CRTC3: variants seen among roughly 807,000 people sequenced by gnomAD.
CRTC3 encodes CREB regulated transcription coactivator 3, also known as CREB-regulated transcription coactivator 3.
CRTC3 carries 26 observed loss-of-function variants against 74.5 expected under a neutral mutation model. That is an observed-to-expected ratio of 0.35 (90% CI 0.26 to 0.48). The LOEUF (loss-of-function observed/expected upper bound fraction) is 0.48, where lower values mean the gene tolerates loss of function less well. CRTC3 is among the 20% of genes least tolerant of loss of function. CRTC3 has a pLI of 0.99. For synonymous variants in CRTC3, 377 were observed against 325.8 expected (o/e 1.16, Z -1.69); for missense variants, 760 against 787.3 (o/e 0.97, Z 0.41).
intron 8 of CRTC3, 152 bp from the exon 9 acceptor site, chr15:90,619,589 C>G (rs1326628992): frequency 1.5e-6 from 1 of 672,754 alleles, no homozygotes; most frequent in Non-Finnish European, 2.6e-6. Context: ...AAAGTCATGC[C>G]AAAACCTAAA....
chr15:90,617,824 C>T, intron 7 of CRTC3, 59 bp from the exon 8 acceptor site: 1 of 1,178,414 alleles, frequency 8.5e-7, no homozygotes, highest in South Asian at 1.2e-5. Context: ...AGCCACCGTG[C>T]CCGGCCTGGA....
At chr15:90,575,280 GGCGGAGGTT>G (rs1227970565) in intron 2 of CRTC3, among the ~76,000 whole-genome samples, 1 of 152,170 alleles carries the variant, frequency 6.6e-6, no homozygotes, top group Non-Finnish European at 1.5e-5. Context: ...GAACCCGGGA[GGCGGAGGTT>G]GCAGTGAGCC....
intron 9 of CRTC3, among the ~76,000 whole-genome samples, chr15:90,622,601 A>G (rs1381897893): frequency 6.6e-6 from 1 of 152,234 alleles, no homozygotes; most frequent in Non-Finnish European, 1.5e-5. Flanking sequence ...CTGTAATCGC[A>G]GCACTTTGGG....
chr15:90,570,754 C>T (rs1967244548), intron 2 of CRTC3, among the ~76,000 whole-genome samples: 1 of 152,088 alleles, frequency 6.6e-6, no homozygotes, highest in Non-Finnish European at 1.5e-5. Flanking sequence ...GCCAAAGTCC[C>T]CAGAAATGAG....
chr15:90,541,060 A>G (rs1167517606), intron 2 of CRTC3, among the ~76,000 whole-genome samples: 1 of 152,204 alleles, frequency 6.6e-6, no homozygotes, highest in Non-Finnish European at 1.5e-5. Context: ...GGGTGCTTTC[A>G]TCGTTCACAT....
intron 11 of CRTC3, among the ~76,000 whole-genome samples, chr15:90,630,599 T>TGAGACC (rs1451043119): frequency 6.6e-6 from 1 of 152,054 alleles, no homozygotes; most frequent in Non-Finnish European, 1.5e-5. Flanking sequence ...GGCAACAGAG[T>TGAGACC]GAGACCCTGT....
At chr15:90,594,001 G>C (rs983103990) in intron 3 of CRTC3, 3 of 346,310 alleles carry the variant, frequency 8.7e-6, no homozygotes, top group Non-Finnish European at 1.6e-5. Flanking sequence ...AAAACAACCT[G>C]TAATTCGGTC....
Position 90,642,191 on chromosome 15 carries a change from A to G in CRTC3, c.*51A>G. ...GTTTTTCTGCAACAGCCAAAATAGA[A>G]TGGAATAGAATGAAGCCAGCTGATA... is the stretch of plus-strand genomic sequence containing the variant. On this transcript the variant is annotated 3_prime_UTR_variant, in exon 15 of 15. Coordinates refer to ENST00000268184, the MANE Select transcript of CRTC3 (RefSeq NM_022769.5). 6.6e-7 allele frequency: 1 copy of G among 1,506,920 alleles called. No homozygotes were observed. Among genetic ancestry groups the G allele is most frequent in the Non-Finnish European group, 9.2e-7 (1 of 1,085,940 alleles). The allele number at this position is 1,506,920 out of a possible 1,614,324, so 93.3% of individuals were successfully genotyped here.
intron 2 of CRTC3, among the ~76,000 whole-genome samples, chr15:90,569,028 G>C (rs115612825): frequency 6.8e-6 from 1 of 147,936 alleles, no homozygotes; most frequent in Non-Finnish European, 1.5e-5. Flanking sequence ...AGTTTCTCCC[G>C]GTCACCCAGG....
At chr15:90,633,832 G>T (rs1969132598) in intron 11 of CRTC3, among the ~76,000 whole-genome samples, 1 of 150,908 alleles carries the variant, frequency 6.6e-6, no homozygotes, top group South Asian at 2.1e-4. Flanking sequence ...TTTGCTTTCT[G>T]GAAGATTGTC....
At position 90,638,797 on chromosome 15, in the gene CRTC3, C is replaced by T. The variant is rs752469330; in HGVS notation, c.1530C>T (p.Gly510=). The T allele has an allele frequency of 6.2e-7, 1 of 1,614,108 alleles. No individual in the cohort carries two copies. Among genetic ancestry groups the T allele is most frequent in the African/African-American group, 1.3e-5 (1 of 75,036 alleles). ...TTGACCAGCAGTCCATGAGGCCAGG[C>T]CCTGCCTTTCCTCAACAGGTGGGTG... ...VGFDQQSMRP[G]PAFPQQVPLV... The change falls in exon 13 of 15, where the codon GGC becomes GGT. Residue 510 remains glycine, a synonymous_variant. Coordinates refer to ENST00000268184, the MANE Select transcript of CRTC3 (RefSeq NM_022769.5).
chr15:90,627,732 C>T (rs1968888645), intron 10 of CRTC3, among the ~76,000 whole-genome samples: 1 of 151,058 alleles, frequency 6.6e-6, no homozygotes, highest in East Asian at 2.0e-4. Context: ...CGCCATTCTC[C>T]TGCCTCAGCC....
At chr15:90,625,595 G>A (rs1238268223) in intron 9 of CRTC3, among the ~76,000 whole-genome samples, 181 bp from the exon 10 acceptor site, 1 of 152,122 alleles carries the variant, frequency 6.6e-6, no homozygotes, top group Non-Finnish European at 1.5e-5. Context: ...AGTGGGTGAG[G>A]ATATGTGTTT....
chr15:90,574,507 C>T (rs116193046), intron 2 of CRTC3, among the ~76,000 whole-genome samples: 4,677 of 151,756 alleles, frequency 0.031, 208 homozygotes, highest in African/African-American at 0.1. Context: ...AACTATGCTT[C>T]AATGAACAAC....
intron 8 of CRTC3, among the ~76,000 whole-genome samples, chr15:90,618,554 C>G (rs551074001): frequency 2.0e-5 from 3 of 152,308 alleles, no homozygotes; most frequent in African/African-American, 7.2e-5. Context: ...CTTGCCTTGG[C>G]CTTTCTTCCC....
chr15:90,534,817 T>G lies in CRTC3; in HGVS notation c.132+4614T>G, dbSNP rs978704428. Among the ~76,000 whole-genome samples the G allele has an allele frequency of 2.0e-5, 3 of 152,270 alleles. No homozygotes were observed. The Middle Eastern group carries it at 0.01, about 518-fold the overall frequency. On this transcript the variant is annotated intron_variant, in intron 1 of 14. Transcript: ENST00000268184. Reference sequence around the variant, plus strand: ...GTGATCCCAGACTGCTTCACTTAGATTCCCTGCTTGGCAGCTGTAGGCATT... The same window carrying G: ...GTGATCCCAGACTGCTTCACTTAGAGTCCCTGCTTGGCAGCTGTAGGCATT...
At chr15:90,604,517 C>A in intron 5 of CRTC3, 70 bp downstream of exon 5, 1 of 1,166,300 alleles carries the variant, frequency 8.6e-7, no homozygotes. Flanking sequence ...TTTTACATAG[C>A]ATCCAGTTGC....
At chr15:90,549,915 G>A (rs897151772) in intron 2 of CRTC3, among the ~76,000 whole-genome samples, 2 of 149,776 alleles carry the variant, frequency 1.3e-5, no homozygotes, top group Non-Finnish European at 3.0e-5. Context: ...TGTTGGTCAC[G>A]CCAGTCTTAA....
chr15:90,559,060 A>AT (rs1184482255), intron 2 of CRTC3, among the ~76,000 whole-genome samples: 2 of 151,864 alleles, frequency 1.3e-5, no homozygotes, highest in African/African-American at 4.8e-5. Context: ...CCTACTATGT[A>AT]TTTTTATTTA....
Sources: allele counts gnomAD v4.1 joint callset (sites outside exome capture counted in the v4.1 genomes callset), GRCh38; gene constraint gnomAD v4.1.1; transcripts MANE v1.5; gene names NCBI Gene and HGNC (gene_info 2026-07-23, HGNC 2026-07-21).